MMP8: variants seen among roughly 807,000 people sequenced by gnomAD.
MMP8 encodes neutrophil collagenase.
MMP8 carries 67 observed loss-of-function variants against 51.2 expected under a neutral mutation model. The observed-to-expected ratio is 1.31, with a 90% confidence interval of 1.08 to 1.60. The LOEUF (loss-of-function observed/expected upper bound fraction) is 1.60. MMP8 is among the 40% of genes most tolerant of loss of function. The pLI, the probability that MMP8 is intolerant of heterozygous loss-of-function variation, is 0.00. For missense variants in MMP8, 654 were observed against 558.1 expected (o/e 1.17, Z -1.73); for synonymous variants, 225 against 191.0 (o/e 1.18, Z -1.47).
rs1247491234 is a variant in MMP8 at position 102,722,659 on chromosome 11, C to A, written c.117G>T (p.Lys39Asn). 3 of 1,613,628 alleles carry A rather than the reference C, an allele frequency of 1.9e-6. No individual in the cohort carries two copies. Among genetic ancestry groups the A allele is most frequent in the Non-Finnish European group, 2.5e-6 (3 of 1,179,730 alleles). ...NTKTVQDYLE[K>N]FYQLPSNQYQ... ...ACTGGTTGCTTGGTAATTGGTAGAACTTTTCCAGGTAGTCCTGGACAAAGA... is the reference window on the plus strand; with the variant it reads ...ACTGGTTGCTTGGTAATTGGTAGAAATTTTCCAGGTAGTCCTGGACAAAGA... Residue 39 changes from lysine to asparagine, a missense_variant, in exon 2 of 10, where the codon AAG becomes AAT. Transcript: ENST00000236826.
intron 1 of MMP8, chr11:102,723,593 G>A: frequency 2.3e-6 from 1 of 436,386 alleles, no homozygotes; most frequent in Non-Finnish European, 4.6e-6. Flanking sequence ...AAGCATGTGT[G>A]AAAAGGGGCA....
intron 2 of MMP8, 150 bp downstream of exon 2, chr11:102,722,279 T>A: frequency 1.1e-6 from 1 of 892,914 alleles, no homozygotes. Context: ...CTCAACATTT[T>A]CATTCTCATA....
intron 7 of MMP8, 96 bp from the exon 8 acceptor site, chr11:102,714,805 T>TATGTATATATATATATATATATAC (rs1293792969): frequency 4.3e-6 from 1 of 230,826 alleles, no homozygotes; most frequent in African/African-American, 2.9e-5. Context: ...TATATATATA[T>TATGTATATATATATATATATATAC]ACCACTTCTT....
rs749445419 is a variant in MMP8 at position 102,721,810 on chromosome 11, T to C, written c.348-48A>G. On this transcript the variant is annotated intron_variant, in intron 2 of 9. Transcript: ENST00000236826. ...AAGAGTTAAATGTTATTTAGAACAG[T>C]AGTCCATCAACTGATGAGTTGTTCT... The C allele has an allele frequency of 2.5e-6, 4 of 1,596,196 alleles. No homozygotes were observed. In the South Asian group the frequency reaches 4.5e-5, roughly 18 times the overall value.
At chr11:102,715,256 C>A in intron 7 of MMP8, 48 bp downstream of exon 7, 1 of 1,570,862 alleles carries the variant, frequency 6.4e-7, no homozygotes, top group Non-Finnish European at 8.6e-7. Flanking sequence ...AGTCCTGCCC[C>A]CTCCCTTCAG....
At chr11:102,724,057 T>C (rs1591684846) in intron 1 of MMP8, 3 of 161,362 alleles carry the variant, frequency 1.9e-5, no homozygotes, top group Non-Finnish European at 4.1e-5. Context: ...GGACTTTACA[T>C]TAACCCGGGG....
At chr11:102,723,910 G>T (rs538985624) in intron 1 of MMP8, 88 of 323,210 alleles carry the variant, frequency 2.7e-4, no homozygotes, top group Admixed American at 5.4e-4. Context: ...TGAGCACTTG[G>T]CCACATTATT....
rs1861175251 is a variant in MMP8 at position 102,713,191 on chromosome 11, A to G, written c.*157T>C. On this transcript the variant is annotated 3_prime_UTR_variant, in exon 10 of 10. Transcript: ENST00000236826. ...GCCTCTGCAAATAGTGGAATATTCCAAACATATTTTCACGGAGGACAGGTA... is the reference window on the plus strand; with the variant it reads ...GCCTCTGCAAATAGTGGAATATTCCGAACATATTTTCACGGAGGACAGGTA... 3.4e-6 allele frequency: 2 copies of G among 590,474 alleles called. No homozygotes were observed. Among genetic ancestry groups the G allele is most frequent in the South Asian group, 2.1e-5 (1 of 47,466 alleles). The allele number at this position is 590,474 out of a possible 1,614,324, so 36.6% of individuals were successfully genotyped here.
At position 102,724,882 on chromosome 11, in the gene MMP8, C is replaced by G; in HGVS notation, c.-27G>C. 1 of 1,596,444 alleles carries G rather than the reference C, an allele frequency of 6.3e-7. No individual in the cohort carries two copies. ...ATCTTCTCTTCAAACTCTACCCCTC[C>G]TGGCTTTCTTTCTGTCCCTCTGGGT... On this transcript the variant is annotated 5_prime_UTR_variant, in exon 1 of 10. Transcript: ENST00000236826.
chr11:102,718,339 G>A (rs1001042353), intron 5 of MMP8, 75 bp downstream of exon 5: 72 of 1,416,578 alleles, frequency 5.1e-5, no homozygotes, highest in Non-Finnish European at 6.7e-5. Flanking sequence ...CAAAGGAAGA[G>A]ATATTCAGAT....
At chr11:102,718,243 T>G (rs553481454) in intron 5 of MMP8, among the ~76,000 whole-genome samples, 171 bp downstream of exon 5, 2 of 152,156 alleles carry the variant, frequency 1.3e-5, no homozygotes, top group African/African-American at 4.8e-5. Flanking sequence ...AGGGCAGCAA[T>G]AGAGGCTCAG....
rs1356255871 is a variant in MMP8, at chr11:102,722,630, T to A, written c.146A>T (p.Gln49Leu). 5 of 1,613,862 alleles carry A rather than the reference T, an allele frequency of 3.1e-6. No individual in the cohort carries two copies. Among genetic ancestry groups the A allele is most frequent in the Middle Eastern group, 3.3e-4 (2 of 6,060 alleles). ...KFYQLPSNQY[Q>L]STRKNGTNVI... ...ATTAGTGCCATTCTTCCTTGTAGAC[T>A]GATACTGGTTGCTTGGTAATTGGTA... The change falls in exon 2 of 10, where the codon CAG becomes CTG. Residue 49 changes from glutamine (Q) to leucine (L), a missense_variant. Gln to Leu is a moderately radical substitution (Grantham distance 113, BLOSUM62 -2). Coordinates refer to ENST00000236826, the MANE Select transcript of MMP8 (RefSeq NM_002424.3).
intron 2 of MMP8, among the ~76,000 whole-genome samples, chr11:102,721,977 G>T (rs943607933): frequency 6.6e-6 from 1 of 152,052 alleles, no homozygotes; most frequent in African/African-American, 2.4e-5. Flanking sequence ...ATAAAATGAG[G>T]ATACTAATAT....
At position 102,716,424 on chromosome 11, in the gene MMP8, A is replaced by G. The variant is rs75568802; in HGVS notation, c.785-5T>C. The G allele has an allele frequency of 3.4e-4, 107 of 317,870 alleles. No individual in the cohort carries two copies. The highest frequency in any genetic ancestry group is 1.6e-3 in the African/African-American group (27 of 16,696). 19.7% of individuals were successfully genotyped at this position (317,870 alleles called of 1,614,324 possible). A position where few individuals can be genotyped will look rare whatever the true frequency, so the allele number is the denominator to read the frequency against. On this transcript the variant is annotated splice_polypyrimidine_tract_variant and splice_region_variant and intron_variant, in intron 5 of 9. Transcript: ENST00000236826. The stretch of plus-strand genomic sequence containing the variant: ...GGATAGGGTTGCTTGAAAGTCCTGG[A>G]AAAAAAAAAAAAAAAAAAAAAAAGG...
chr11:102,722,742 C>T, intron 1 of MMP8, 69 bp from the exon 2 acceptor site: 4 of 1,577,624 alleles, frequency 2.5e-6, no homozygotes, highest in Non-Finnish European at 3.4e-6. Context: ...ATTTTGCAAC[C>T]CTTTCTAAGT....
At chr11:102,718,816 G>A (rs112675700) in intron 4 of MMP8, among the ~76,000 whole-genome samples, 1 of 152,192 alleles carries the variant, frequency 6.6e-6, no homozygotes, top group Non-Finnish European at 1.5e-5. Context: ...ACCCAGAAAA[G>A]CTGCATTTAT....
chr11:102,715,858 G>C (rs756022494), intron 6 of MMP8, among the ~76,000 whole-genome samples: 2 of 152,166 alleles, frequency 1.3e-5, no homozygotes, highest in African/African-American at 4.8e-5. Context: ...TTGATGATTT[G>C]CTGCACAGCT....
chr11:102,715,725 C>A (rs1395985246), intron 6 of MMP8, among the ~76,000 whole-genome samples: 2 of 152,178 alleles, frequency 1.3e-5, no homozygotes, highest in African/African-American at 2.4e-5. Flanking sequence ...TACTTTGTAG[C>A]ATCTTTCATT....
Position 102,721,324 on chromosome 11 carries a change from G to C in MMP8, c.622+77C>G, listed in dbSNP as rs1213327239. On this transcript the variant is annotated intron_variant, in intron 4 of 9. Transcript: ENST00000236826. ...AAATATTATGTTACCTTTATTGTGT[G>C]TGTGTGTGTGTGTGTATTCTAATCT... The C allele has an allele frequency of 4.3e-6, 6 of 1,411,402 alleles. No homozygotes were observed. The Middle Eastern group carries it at 5.3e-4, about 125-fold the overall frequency. 87.4% of individuals were successfully genotyped at this position (1,411,402 alleles called of 1,614,324 possible).
Sources: gnomAD v4.1 joint callset for allele counts (sites outside exome capture counted in the v4.1 genomes callset) on GRCh38, gnomAD v4.1.1 for gene constraint, MANE v1.5 for transcripts, NCBI Gene and HGNC (gene_info 2026-07-23, HGNC 2026-07-21) for gene names.